The following SLC25A42 variants were observed in gnomAD, a reference collection of about 807,000 sequenced individuals.
The protein encoded by SLC25A42 is mitochondrial coenzyme A transporter SLC25A42.
In SLC25A42, 19 loss-of-function variants were observed where a neutral mutation model predicts 34.7. The ratio of observed to expected loss-of-function variants is 0.55; its 90% confidence interval spans 0.38 to 0.80. The LOEUF is 0.80. Among genes scored for constraint, SLC25A42 ranks in the 30% least tolerant of loss-of-function variants. The pLI, the probability that SLC25A42 is intolerant of heterozygous loss-of-function variation, is 0.00. For synonymous variants in SLC25A42, 205 were observed against 191.2 expected, an observed-to-expected ratio of 1.07 and a Z score of -0.59; for missense variants, 364 against 441.3, an observed-to-expected ratio of 0.82 and a Z score of 1.57.
At chr19:19,101,922 G>A in intron 3 of SLC25A42, 36 bp downstream of exon 3, 5 of 1,517,650 alleles carry the variant, frequency 3.3e-6, no homozygotes, top group Non-Finnish European at 4.5e-6. Context: ...TAGAGAAGCT[G>A]CCAGGCGGTC....
At chr19:19,097,065 A>G (rs1171264634) in intron 2 of SLC25A42, among the ~76,000 whole-genome samples, 3 of 152,194 alleles carry the variant, frequency 2.0e-5, no homozygotes, top group African/African-American at 4.8e-5. Flanking sequence ...TCTCAAAGCA[A>G]TTGGGTCAGC....
At chr19:19,095,078 G>A (rs1326491479) in intron 1 of SLC25A42, among the ~76,000 whole-genome samples, 1 of 152,064 alleles carries the variant, frequency 6.6e-6, no homozygotes, top group Non-Finnish European at 1.5e-5. Flanking sequence ...GTAAACGTCT[G>A]TAATCCCAGG....
Position 19,111,216 on chromosome 19 carries a change from T to C in SLC25A42, c.*340T>C. On this transcript the variant is annotated 3_prime_UTR_variant, in exon 8 of 8. Transcript: ENST00000318596. Reference sequence around the variant, plus strand: ...TGATCCTGTGTGTCCTCCGACATGCTGCTGATTCTAGTGACCCCTGTCCCC... The same window carrying C: ...TGATCCTGTGTGTCCTCCGACATGCCGCTGATTCTAGTGACCCCTGTCCCC... The C allele has an allele frequency of 2.8e-6, 1 of 362,894 alleles. No individual in the cohort carries two copies. Among genetic ancestry groups the C allele is most frequent in the Non-Finnish European group, 5.1e-6 (1 of 196,262 alleles). The allele number at this position is 362,894 out of a possible 1,614,324, so 22.5% of individuals were successfully genotyped here.
At chr19:19,086,998 G>A (rs1272186043) in intron 1 of SLC25A42, among the ~76,000 whole-genome samples, 1 of 152,050 alleles carries the variant, frequency 6.6e-6, no homozygotes, top group African/African-American at 2.4e-5. Flanking sequence ...TGGGGAGGGT[G>A]AGGTTACCAG....
intron 1 of SLC25A42, among the ~76,000 whole-genome samples, chr19:19,094,657 G>C: frequency 6.6e-6 from 1 of 152,280 alleles, no homozygotes; most frequent in South Asian, 2.1e-4. Flanking sequence ...TTTGTACAGC[G>C]TCACTCACCG....
intron 1 of SLC25A42, among the ~76,000 whole-genome samples, chr19:19,080,434 G>A (rs1222598331): frequency 2.0e-5 from 3 of 152,176 alleles, no homozygotes; most frequent in South Asian, 2.1e-4. Context: ...GAAGTACAGC[G>A]TCCTCTTCCT....
chr19:19,083,066 C>T (rs2059689263), intron 1 of SLC25A42, among the ~76,000 whole-genome samples: 1 of 152,102 alleles, frequency 6.6e-6, no homozygotes, highest in Admixed American at 6.5e-5. Flanking sequence ...AGGTGATCCA[C>T]CTGCCTCAGC....
At chr19:19,080,923 T>TAAAAAA (rs369757922) in intron 1 of SLC25A42, among the ~76,000 whole-genome samples, 1 of 139,574 alleles carries the variant, frequency 7.2e-6, no homozygotes. Flanking sequence ...CTATAAAATT[T>TAAAAAA]AAAAAAAAAA....
intron 3 of SLC25A42, among the ~76,000 whole-genome samples, chr19:19,103,404 T>C (rs1001255668): frequency 1.3e-5 from 2 of 152,132 alleles, no homozygotes; most frequent in Non-Finnish European, 2.9e-5. Flanking sequence ...CTGTTTTCTC[T>C]TCTTATAAGG....
At chr19:19,067,942 T>C (rs1599661323) in intron 1 of SLC25A42, among the ~76,000 whole-genome samples, 1 of 152,274 alleles carries the variant, frequency 6.6e-6, no homozygotes, top group East Asian at 1.9e-4. Context: ...ATTTTGGCAG[T>C]TAGACATTAA....
chr19:19,066,976 C>T (rs1021238130), intron 1 of SLC25A42, among the ~76,000 whole-genome samples: 2 of 146,718 alleles, frequency 1.4e-5, no homozygotes, highest in Non-Finnish European at 3.0e-5. Context: ...ATAATCATGC[C>T]ACTGCACTCC....
intron 1 of SLC25A42, among the ~76,000 whole-genome samples, chr19:19,068,942 C>T (rs1022578636): frequency 1.3e-5 from 2 of 149,630 alleles, no homozygotes; most frequent in Non-Finnish European, 3.0e-5. Context: ...GGGAGGATCA[C>T]TTGAGCTCAG....
At chr19:19,095,177 G>A (rs1347226191) in intron 1 of SLC25A42, among the ~76,000 whole-genome samples, 1 of 151,486 alleles carries the variant, frequency 6.6e-6, no homozygotes, top group Non-Finnish European at 1.5e-5. Context: ...TTCCAGCCTG[G>A]GCTACAGAGG....
At chr19:19,069,291 C>T (rs2059617684) in intron 1 of SLC25A42, among the ~76,000 whole-genome samples, 1 of 152,222 alleles carries the variant, frequency 6.6e-6, no homozygotes, top group Non-Finnish European at 1.5e-5. Flanking sequence ...TCTCTGCCAG[C>T]CCAGCAGCCT....
intron 1 of SLC25A42, among the ~76,000 whole-genome samples, chr19:19,078,908 G>A (rs985672250): frequency 2.0e-5 from 3 of 150,864 alleles, no homozygotes; most frequent in South Asian, 2.1e-4. Context: ...CTGGAGTGCA[G>A]TGGCGCGCTC....
intron 1 of SLC25A42, among the ~76,000 whole-genome samples, chr19:19,072,589 G>A (rs978961997): frequency 2.0e-5 from 3 of 152,170 alleles, no homozygotes. Context: ...CGCCATGTTG[G>A]CCAGGCTGGT....
intron 1 of SLC25A42, among the ~76,000 whole-genome samples, chr19:19,089,845 G>A (rs2059728648): frequency 6.6e-6 from 1 of 150,518 alleles, no homozygotes; most frequent in Non-Finnish European, 1.5e-5. Context: ...CTCCAGCCTG[G>A]GTGACAGAGC....
chr19:19,101,678 C>T, intron 2 of SLC25A42, 103 bp from the exon 3 acceptor site: 1 of 1,033,604 alleles, frequency 9.7e-7, no homozygotes, highest in South Asian at 1.6e-5. Flanking sequence ...GGGTACATCC[C>T]TCGGCCCCGG....
intron 1 of SLC25A42, among the ~76,000 whole-genome samples, chr19:19,088,368 GC>G (rs1366783521): frequency 1.1e-4 from 16 of 150,890 alleles, no homozygotes; most frequent in African/African-American, 3.7e-4. Context: ...ACCACGCCTG[GC>G]TAATTTTTTT....
Sources: allele counts gnomAD v4.1 joint callset (sites outside exome capture counted in the v4.1 genomes callset), GRCh38; gene constraint gnomAD v4.1.1; transcripts MANE v1.5; gene names NCBI Gene and HGNC (gene_info 2026-07-23, HGNC 2026-07-21).